PTPRK: variants seen among roughly 807,000 people sequenced by gnomAD.
PTPRK encodes receptor-type tyrosine-protein phosphatase kappa.
A neutral mutation model predicts 178.0 loss-of-function variants in PTPRK; 75 were observed. The observed-to-expected ratio is 0.42, with a 90% CI of 0.35 to 0.51. The LOEUF is 0.51. PTPRK is among the 20% of genes least tolerant of loss of function. The pLI, the probability that PTPRK is intolerant of heterozygous loss-of-function variation, is 0.02. For missense variants in PTPRK, 1,441 were observed against 1,797.8 expected, an observed-to-expected ratio of 0.80 and a Z score of 3.59; for synonymous variants, 637 against 620.6, an observed-to-expected ratio of 1.03 and a Z score of -0.39.
rs1319433908 is a variant in PTPRK, at chr6:128,520,561, G to A, written c.-203C>T. 3.5e-6 allele frequency: 2 copies of A among 572,392 alleles called. No individual in the cohort carries two copies. The highest frequency in any genetic ancestry group is 2.9e-5 in the East Asian group (1 of 34,628). The allele number at this position is 572,392 out of a possible 1,614,324, so 35.5% of individuals were successfully genotyped here. On this transcript the variant is annotated 5_prime_UTR_variant, in exon 1 of 30. Coordinates refer to ENST00000368226, the MANE Select transcript of PTPRK (RefSeq NM_002844.4). The stretch of plus-strand genomic sequence containing the variant: ...GCCAGCGTCGCCGGCCGGCCGCGGC[G>A]GCAGCTCTCCATGCTCGGCGGAGGC...
At chr6:128,475,552 G>A (rs1851269691) in intron 1 of PTPRK, among the ~76,000 whole-genome samples, 3 of 152,042 alleles carry the variant, frequency 2.0e-5, no homozygotes, top group Admixed American at 2.0e-4. Context: ...AGATTTTAAG[G>A]AGACAGTGCA....
intron 12 of PTPRK, 32 bp downstream of exon 12, chr6:128,067,487 C>T (rs373357681): frequency 5.5e-6 from 8 of 1,455,272 alleles, no homozygotes; most frequent in Non-Finnish European, 7.3e-6. Flanking sequence ...TTCTTCAAAG[C>T]AGGGAAAAAG....
At chr6:128,380,183 A>G (rs1159901990) in intron 2 of PTPRK, among the ~76,000 whole-genome samples, 1 of 152,168 alleles carries the variant, frequency 6.6e-6, no homozygotes, top group East Asian at 1.9e-4. Context: ...TATTAGCCTC[A>G]GGAGAGAAAA....
At chr6:128,038,909 C>G (rs1776689057) in intron 13 of PTPRK, among the ~76,000 whole-genome samples, 1 of 152,086 alleles carries the variant, frequency 6.6e-6, no homozygotes, top group African/African-American at 2.4e-5. Context: ...TGAAACATCA[C>G]AAAATGTTAA....
At chr6:128,139,077 G>A (rs1420343333) in intron 7 of PTPRK, among the ~76,000 whole-genome samples, 2 of 152,024 alleles carry the variant, frequency 1.3e-5, no homozygotes, top group Non-Finnish European at 2.9e-5. Flanking sequence ...ATAGCATGAA[G>A]TCAGAGGACA....
chr6:128,001,161 G>C (rs565748794), intron 15 of PTPRK: 28 of 1,464,782 alleles, frequency 1.9e-5, no homozygotes, highest in Non-Finnish European at 2.6e-5. Flanking sequence ...ATCCTTGATT[G>C]AAAGGTTTTC....
chr6:128,375,769 T>C (rs983592402), intron 2 of PTPRK, among the ~76,000 whole-genome samples: 7 of 152,158 alleles, frequency 4.6e-5, no homozygotes, highest in African/African-American at 1.4e-4. Context: ...ACTTTCCAGA[T>C]ACAATGGGAG....
chr6:128,397,752 G>A, intron 1 of PTPRK, 64 bp from the exon 2 acceptor site: 1 of 1,514,058 alleles, frequency 6.6e-7, no homozygotes, highest in Non-Finnish European at 9.1e-7. Context: ...GAAAGTTCTG[G>A]AGAAGGAAAT....
intron 7 of PTPRK, among the ~76,000 whole-genome samples, chr6:128,121,394 T>C (rs17055328): frequency 0.025 from 3,870 of 151,900 alleles, 76 homozygotes; most frequent in Middle Eastern, 0.092. Context: ...CAGGAGAAAA[T>C]AAAAGTAAAA....
At chr6:128,018,361 G>T (rs1327205705) in intron 13 of PTPRK, among the ~76,000 whole-genome samples, 2 of 151,968 alleles carry the variant, frequency 1.3e-5, no homozygotes, top group East Asian at 3.9e-4. Context: ...TAATGCTAGG[G>T]TTAACTGAAC....
chr6:128,046,639 A>G (rs1464860568), intron 13 of PTPRK, among the ~76,000 whole-genome samples: 1 of 152,222 alleles, frequency 6.6e-6, no homozygotes, highest in African/African-American at 2.4e-5. Flanking sequence ...AATTTAAGAA[A>G]TTAAGACTAG....
intron 21 of PTPRK, among the ~76,000 whole-genome samples, chr6:127,989,389 A>C (rs1455165635): frequency 6.6e-6 from 1 of 152,042 alleles, no homozygotes; most frequent in Non-Finnish European, 1.5e-5. Context: ...TGCTATTTCA[A>C]CTTAATATTT....
chr6:128,182,351 A>C (rs1288736139), intron 7 of PTPRK, among the ~76,000 whole-genome samples: 1 of 152,080 alleles, frequency 6.6e-6, no homozygotes, highest in Non-Finnish European at 1.5e-5. Context: ...CGAGGCGGGC[A>C]GATCACTTGA....
chr6:127,993,772 A>G (rs548737028), intron 18 of PTPRK, among the ~76,000 whole-genome samples: 1 of 151,860 alleles, frequency 6.6e-6, no homozygotes, highest in African/African-American at 2.4e-5. Flanking sequence ...GCAGAAGTAT[A>G]TACTCATATC....
At chr6:128,398,665 G>T (rs778374230) in intron 1 of PTPRK, among the ~76,000 whole-genome samples, 1 of 152,290 alleles carries the variant, frequency 6.6e-6, no homozygotes, top group South Asian at 2.1e-4. Context: ...AGGGTCTAAA[G>T]TGTTTGAGGT....
At chr6:128,011,810 CATAG>C (rs146022593) in intron 13 of PTPRK, among the ~76,000 whole-genome samples, 1,586 of 151,006 alleles carry the variant, frequency 0.011, 30 homozygotes, top group African/African-American at 0.036. Context: ...ATTTTTTTAA[CATAG>C]ATAGAAACTA....
At chr6:128,454,835 T>G (rs1332168132) in intron 1 of PTPRK, among the ~76,000 whole-genome samples, 1 of 152,114 alleles carries the variant, frequency 6.6e-6, no homozygotes, top group African/African-American at 2.4e-5. Flanking sequence ...TTGCTTTACT[T>G]TTTGAAAGCT....
intron 13 of PTPRK, among the ~76,000 whole-genome samples, chr6:128,042,236 C>T (rs1256576196): frequency 6.6e-6 from 1 of 151,974 alleles, no homozygotes; most frequent in African/African-American, 2.4e-5. Flanking sequence ...ATATCAATTA[C>T]AGTAAGACCA....
At chr6:128,154,635 T>G (rs1249085418) in intron 7 of PTPRK, among the ~76,000 whole-genome samples, 1 of 151,706 alleles carries the variant, frequency 6.6e-6, no homozygotes, top group East Asian at 1.9e-4. Flanking sequence ...AATGGGAGAT[T>G]TTTTTTAATG....
Sources: gnomAD v4.1 joint callset for allele counts (sites outside exome capture counted in the v4.1 genomes callset) on GRCh38, gnomAD v4.1.1 for gene constraint, MANE v1.5 for transcripts, NCBI Gene and HGNC (gene_info 2026-07-23, HGNC 2026-07-21) for gene names.